HBP1: variants seen among roughly 807,000 people sequenced by gnomAD.
HBP1 encodes HMG-box transcription factor 1, also known as HMG box-containing protein 1.
A neutral mutation model predicts 62.6 loss-of-function variants in HBP1; 20 were observed. The ratio of observed to expected loss-of-function variants is 0.32; its 90% CI spans 0.22 to 0.46. The LOEUF (loss-of-function observed/expected upper bound fraction) is 0.46, where lower values mean the gene tolerates loss of function less well. HBP1 is among the 20% of genes least tolerant of loss of function. HBP1 has a pLI of 1.00. For synonymous variants in HBP1, 232 were observed against 206.2 expected, an observed-to-expected ratio of 1.12 and a Z score of -1.07; for missense variants, 480 against 611.8, an observed-to-expected ratio of 0.78 and a Z score of 2.27.
At chr7:107,178,260 C>T (rs1278331310) in intron 1 of HBP1, among the ~76,000 whole-genome samples, 2 of 152,170 alleles carry the variant, frequency 1.3e-5, no homozygotes, top group African/African-American at 4.8e-5. Flanking sequence ...CGTCCCCCTT[C>T]AGTCTACCCT....
intron 1 of HBP1, chr7:107,170,109 TAGA>T (rs879143063): frequency 2.7e-5 from 27 of 985,316 alleles, no homozygotes; most frequent in Admixed American, 1.2e-4. Flanking sequence ...CAGTCGTTTT[TAGA>T]AGGAGCACTG....
chr7:107,200,125 G>C, intron 9 of HBP1, 35 bp from the exon 10 acceptor site: 1 of 1,470,652 alleles, frequency 6.8e-7, no homozygotes, highest in Non-Finnish European at 9.1e-7. Flanking sequence ...TGAAAAATGT[G>C]TGCTTTCAGC....
At chr7:107,188,461 C>T (rs1009672442) in intron 6 of HBP1, among the ~76,000 whole-genome samples, 3 of 152,072 alleles carry the variant, frequency 2.0e-5, no homozygotes, top group African/African-American at 7.2e-5. Flanking sequence ...TATTCATGAC[C>T]TTGTTCATGC....
At chr7:107,200,549 T>C (rs1029718468) in intron 10 of HBP1, 54 of 322,528 alleles carry the variant, frequency 1.7e-4, no homozygotes, top group African/African-American at 6.0e-4. Flanking sequence ...GTTCTAAACA[T>C]TGAGTTGGAA....
intron 1 of HBP1, among the ~76,000 whole-genome samples, chr7:107,172,443 A>G (rs1584471909): frequency 1.3e-5 from 2 of 152,002 alleles, no homozygotes; most frequent in East Asian, 3.9e-4. Flanking sequence ...GAAATTATGA[A>G]GCACCAAAGT....
At chr7:107,176,518 A>G (rs1796859798) in intron 1 of HBP1, among the ~76,000 whole-genome samples, 1 of 152,134 alleles carries the variant, frequency 6.6e-6, no homozygotes, top group African/African-American at 2.4e-5. Context: ...TTTAGCAACC[A>G]TTTTTAGCCC....
intron 1 of HBP1, chr7:107,170,173 T>A (rs1796486820): frequency 2.1e-6 from 2 of 971,884 alleles, no homozygotes; most frequent in Non-Finnish European, 2.4e-6. Context: ...TGGCTCATGG[T>A]GCCACTGATG....
intron 1 of HBP1, among the ~76,000 whole-genome samples, chr7:107,175,041 T>C (rs923978270): frequency 6.6e-6 from 1 of 152,014 alleles, no homozygotes; most frequent in African/African-American, 2.4e-5. Context: ...GACGGGTGGC[T>C]TTCATAGAGA....
Position 107,179,902 on chromosome 7 carries a change from G to GGAA in HBP1, c.11_13dup (p.Glu4dup), listed in dbSNP as rs1235707036. On this transcript the variant is annotated inframe_insertion, in exon 2 of 11. Coordinates refer to ENST00000222574, the MANE Select transcript of HBP1 (RefSeq NM_012257.4). ...AGTCAGAGCACCATAACATGGTGTG[G>GGAA]GAAGTGAAGACAAATCAGATGCCTA... The GGAA allele has an allele frequency of 1.3e-6, 2 of 1,590,904 alleles. No individual in the cohort carries two copies. The highest frequency in any genetic ancestry group is 2.7e-5 in the African/African-American group (2 of 74,582).
intron 1 of HBP1, among the ~76,000 whole-genome samples, chr7:107,171,074 T>TATATATATATATATA (rs1554380347): frequency 2.4e-4 from 9 of 37,516 alleles, no homozygotes; most frequent in African/African-American, 1.6e-3. Context: ...TATATATATA[T>TATATATATATATATA]TTTTTTTTTT....
intron 1 of HBP1, among the ~76,000 whole-genome samples, chr7:107,171,860 CAAA>C (rs367641713): frequency 3.1e-5 from 2 of 63,924 alleles, no homozygotes; most frequent in Non-Finnish European, 2.9e-5. Context: ...ACTTCCTCTC[CAAA>C]AAAAAAAAAA....
intron 10 of HBP1, 128 bp downstream of exon 10, chr7:107,200,429 A>G (rs755291054): frequency 1.5e-5 from 9 of 608,788 alleles, no homozygotes; most frequent in East Asian, 1.2e-4. Flanking sequence ...TTATACTTCA[A>G]AACCTAATAA....
At chr7:107,180,371 C>T (rs1797053881) in intron 2 of HBP1, among the ~76,000 whole-genome samples, 1 of 152,148 alleles carries the variant, frequency 6.6e-6, no homozygotes, top group Admixed American at 6.5e-5. Context: ...TGAGAGAGCT[C>T]AGTAAAATAT....
chr7:107,191,842 T>C lies in HBP1; in HGVS notation c.1067+1525T>C, dbSNP rs146909436. ...ATTATATAATTATGTCAGGGGTCCC[T>C]AAAGACTAGCCCCCAGGTTTGATGA... On this transcript the variant is annotated intron_variant, in intron 8 of 10. Transcript: ENST00000222574. 3.1e-3 allele frequency among the ~76,000 whole-genome samples: 466 copies of C among 152,302 alleles called. 1 individual carries two copies. Among genetic ancestry groups the C allele is most frequent in the Non-Finnish European group, 5.5e-3 (373 of 68,016 alleles).
intron 9 of HBP1, 113 bp downstream of exon 9, chr7:107,196,264 G>C (rs1450130509): frequency 1.3e-6 from 1 of 772,588 alleles, no homozygotes; most frequent in Non-Finnish European, 2.2e-6. Flanking sequence ...TCAACTCTTA[G>C]GTTGACTTTT....
intron 1 of HBP1, chr7:107,173,651 C>G (rs1034353123): frequency 1.3e-5 from 2 of 152,182 alleles, no homozygotes; most frequent in African/African-American, 2.4e-5. Context: ...TTTTCTAGTT[C>G]TCTCTTTCTC....
chr7:107,174,561 G>A (rs1796745673), intron 1 of HBP1: 2 of 985,302 alleles, frequency 2.0e-6, no homozygotes, highest in African/African-American at 1.7e-5. Flanking sequence ...AGGACCTGCT[G>A]TAGGGAAGAA....
rs545525256 is a variant in HBP1, at chr7:107,183,109, T to C, written c.398+508T>C. Reference sequence around the variant, plus strand: ...TTGGTAAAAATCACTGTTTCATATATCCAGACAGAGTTTAAGAAAATGAGT... The same window carrying C: ...TTGGTAAAAATCACTGTTTCATATACCCAGACAGAGTTTAAGAAAATGAGT... On this transcript the variant is annotated intron_variant, in intron 3 of 10. Transcript: ENST00000222574. 9.2e-5 allele frequency among the ~76,000 whole-genome samples: 14 copies of C among 152,286 alleles called. No individual in the cohort carries two copies. The South Asian group carries it at 2.9e-3, about 32-fold the overall frequency.
chr7:107,169,026 T>C lies in HBP1; in HGVS notation c.-175T>C, dbSNP rs565622859. 5.5e-5 allele frequency: 71 copies of C among 1,288,304 alleles called. 1 individual carries two copies. The South Asian group carries it at 7.8e-4, about 14-fold the overall frequency. 79.8% of individuals were successfully genotyped at this position (1,288,304 alleles called of 1,614,324 possible). On this transcript the variant is annotated 5_prime_UTR_variant, in exon 1 of 11. Transcript: ENST00000222574. ...AAAGACTTGGTAATGGCGACGGGTT[T>C]GGTAAGTAGGAAAGTTTCGGTTGAG...
Sources: gnomAD v4.1 joint callset for allele counts (sites outside exome capture counted in the v4.1 genomes callset) on GRCh38, gnomAD v4.1.1 for gene constraint, MANE v1.5 for transcripts, NCBI Gene and HGNC (gene_info 2026-07-23, HGNC 2026-07-21) for gene names.